The following HHIP variants were observed in gnomAD, a reference collection of about 807,000 sequenced individuals.
HHIP encodes the protein hedgehog interacting protein.
In HHIP, 12 loss-of-function variants were observed where a neutral mutation model predicts 74.0. The ratio of observed to expected loss-of-function variants is 0.16; its 90% CI spans 0.10 to 0.26. The LOEUF is 0.26. HHIP is among the 10% of genes least tolerant of loss of function. The pLI, the probability that HHIP is intolerant of heterozygous loss-of-function variation, is 1.00. For synonymous variants in HHIP, 309 were observed against 311.6 expected, an observed-to-expected ratio of 0.99 and a Z score of 0.09; for missense variants, 788 against 845.0, an observed-to-expected ratio of 0.93 and a Z score of 0.84.
Position 144,681,418 on chromosome 4 carries a change from GTTCTT to G in HHIP, c.831+21583_831+21587del. On this transcript the variant is annotated intron_variant, in intron 4 of 12. Transcript: ENST00000296575. ...CTTCAAAAGTCTATCGGATTGCAGA[GTTCTT>G]TTTTTTTTTTTTTTTTTTTTGAGAC... Among the ~76,000 whole-genome samples the G allele has an allele frequency of 2.2e-5, 3 of 137,780 alleles. No individual in the cohort carries two copies. In the South Asian group the frequency reaches 7.3e-4, roughly 33 times the overall value. 90.4% of individuals were successfully genotyped at this position (137,780 alleles called of 152,430 possible).
In HHIP at chr4:144,721,621, C is replaced by A. The variant is rs555731786; in HGVS notation, c.1760+2665C>A. On this transcript the variant is annotated intron_variant, in intron 11 of 12. Transcript: ENST00000296575. ...AAAAAAAAAAAAAAAAACTTCCAGG[C>A]CGGGCGTGGTGGCTCACGCCTGTAA... Among the ~76,000 whole-genome samples the A allele has an allele frequency of 2.5e-3, 373 of 151,376 alleles. 1 individual carries two copies. Among genetic ancestry groups the A allele is most frequent in the Non-Finnish European group, 4.1e-3 (281 of 67,876 alleles).
Position 144,646,554 on chromosome 4 carries a change from C to T in HHIP, c.-122C>T. The T allele has an allele frequency of 2.1e-6, 2 of 968,200 alleles. No homozygotes were observed. Among genetic ancestry groups the T allele is most frequent in the Non-Finnish European group, 3.1e-6 (2 of 644,828 alleles). 60.0% of individuals were successfully genotyped at this position (968,200 alleles called of 1,614,324 possible). On this transcript the variant is annotated 5_prime_UTR_variant, in exon 1 of 13. Coordinates refer to ENST00000296575, the MANE Select transcript of HHIP (RefSeq NM_022475.3). ...ATATTTTTGTCCCCGCCACCTCCCT[C>T]TGTCTCTGGAGTGCCCTACAGCCCC...
At chr4:144,736,058 G>A (rs1306690369) in intron 12 of HHIP, among the ~76,000 whole-genome samples, 1 of 150,606 alleles carries the variant, frequency 6.6e-6, no homozygotes, top group Non-Finnish European at 1.5e-5. Flanking sequence ...GTATTCAAAT[G>A]TAATGATATT....
At chr4:144,736,328 T>G (rs2126694219) in intron 12 of HHIP, among the ~76,000 whole-genome samples, 1 of 151,884 alleles carries the variant, frequency 6.6e-6, no homozygotes, top group East Asian at 1.9e-4. Context: ...TGGAGATGGG[T>G]TTCCACCACG....
chr4:144,658,376 TA>T (rs1728605516), intron 2 of HHIP, among the ~76,000 whole-genome samples: 2 of 151,746 alleles, frequency 1.3e-5, no homozygotes, highest in Admixed American at 1.3e-4. Context: ...TTTATTTATT[TA>T]TTTATTTTTT....
At position 144,646,947 on chromosome 4, in the gene HHIP, A is replaced by G. The variant is rs775914117; in HGVS notation, c.272A>G (p.Glu91Gly). The change falls in exon 1 of 13, where the codon GAG (glutamate) becomes GGG (glycine). Residue 91 changes from glutamate (E) to glycine (G), a missense_variant. Glu to Gly is a moderately conservative substitution (Grantham distance 98, BLOSUM62 -2). Coordinates refer to ENST00000296575, the MANE Select transcript of HHIP (RefSeq NM_022475.3). ...RSDSPGLGRLENKIFSVTNNT... is the reference protein window; with the variant it reads ...RSDSPGLGRLGNKIFSVTNNT... ...GACAGCCCGGGGCTAGGGCGCCTGG[A>G]GAATAAGGTAGGCACTCACCGGCTT... 1 of 1,606,504 alleles carries G rather than the reference A, an allele frequency of 6.2e-7. No individual in the cohort carries two copies. The highest frequency in any genetic ancestry group is 8.5e-7 in the Non-Finnish European group (1 of 1,175,670).
chr4:144,701,050 C>G (rs954101488), intron 4 of HHIP, among the ~76,000 whole-genome samples: 20 of 152,212 alleles, frequency 1.3e-4, no homozygotes, highest in African/African-American at 4.6e-4. Context: ...AAAACATAGG[C>G]AAGAAAATGA....
At chr4:144,688,175 AACTAAC>A (rs1729539575) in intron 4 of HHIP, among the ~76,000 whole-genome samples, 2 of 152,130 alleles carry the variant, frequency 1.3e-5, no homozygotes, top group East Asian at 1.9e-4. Context: ...TTGCATAATA[AACTAAC>A]ACTAAGTCAA....
At chr4:144,661,680 G>A (rs747678676) in intron 4 of HHIP, among the ~76,000 whole-genome samples, 1 of 152,126 alleles carries the variant, frequency 6.6e-6, no homozygotes, top group African/African-American at 2.4e-5. Flanking sequence ...TTTATGAGTT[G>A]ATCATAGCAC....
chr4:144,709,143 T>C (rs1367121802), intron 7 of HHIP, among the ~76,000 whole-genome samples: 1 of 152,208 alleles, frequency 6.6e-6, no homozygotes, highest in Admixed American at 6.5e-5. Flanking sequence ...GTTTATTGAG[T>C]GTTCACTATG....
At chr4:144,720,445 CCTT>C (rs1422134794) in intron 11 of HHIP, among the ~76,000 whole-genome samples, 1 of 152,150 alleles carries the variant, frequency 6.6e-6, no homozygotes, top group Non-Finnish European at 1.5e-5. Flanking sequence ...GATTCTCTCT[CCTT>C]CTCACAAAAA....
intron 2 of HHIP, among the ~76,000 whole-genome samples, chr4:144,653,933 C>G (rs1348627653): frequency 1.3e-5 from 2 of 152,132 alleles, no homozygotes; most frequent in African/African-American, 2.4e-5. Flanking sequence ...GTTTCTTCCT[C>G]TTTATCACAT....
At chr4:144,709,057 A>G (rs1730221468) in intron 7 of HHIP, among the ~76,000 whole-genome samples, 1 of 152,232 alleles carries the variant, frequency 6.6e-6, no homozygotes, top group Admixed American at 6.5e-5. Flanking sequence ...CATCCAGTCT[A>G]TGGTCTATTA....
intron 10 of HHIP, among the ~76,000 whole-genome samples, chr4:144,716,734 A>T (rs974047541): frequency 6.6e-6 from 1 of 151,858 alleles, no homozygotes; most frequent in African/African-American, 2.4e-5. Context: ...CTGTAATCAC[A>T]GTTACTTGGG....
At chr4:144,704,093 G>A (rs1730063815) in intron 4 of HHIP, among the ~76,000 whole-genome samples, 1 of 152,054 alleles carries the variant, frequency 6.6e-6, no homozygotes, top group African/African-American at 2.4e-5. Flanking sequence ...TCTAATTTCT[G>A]AATATTTAGG....
intron 4 of HHIP, among the ~76,000 whole-genome samples, chr4:144,690,353 T>G (rs1729613441): frequency 6.6e-6 from 1 of 152,156 alleles, no homozygotes; most frequent in Non-Finnish European, 1.5e-5. Flanking sequence ...CACAAAGTGA[T>G]ATGATGGTAG....
chr4:144,711,212 A>G (rs1303795323), intron 7 of HHIP, among the ~76,000 whole-genome samples: 1 of 152,246 alleles, frequency 6.6e-6, no homozygotes, highest in East Asian at 1.9e-4. Context: ...TTCCTGTGTT[A>G]GAGCAGCCTA....
intron 11 of HHIP, among the ~76,000 whole-genome samples, chr4:144,730,546 A>T (rs1454493592): frequency 6.6e-6 from 1 of 152,170 alleles, no homozygotes; most frequent in Non-Finnish European, 1.5e-5. Context: ...AGAACGAGAC[A>T]ATTTAAATGA....
chr4:144,703,890 C>CTA (rs1730058224), intron 4 of HHIP, among the ~76,000 whole-genome samples: 1 of 152,164 alleles, frequency 6.6e-6, no homozygotes, highest in Admixed American at 6.5e-5. Context: ...CATATTTCTT[C>CTA]ATAAGACCTT....
Sources: allele counts gnomAD v4.1 joint callset (sites outside exome capture counted in the v4.1 genomes callset), GRCh38; gene constraint gnomAD v4.1.1; transcripts MANE v1.5; gene names NCBI Gene and HGNC (gene_info 2026-07-23, HGNC 2026-07-21).